The following NEDD4 variants were observed in gnomAD, a reference collection of about 807,000 sequenced individuals.
NEDD4 encodes the protein E3 ubiquitin-protein ligase NEDD4.
NEDD4 carries 99 observed loss-of-function variants against 144.9 expected under a neutral mutation model. That is an observed-to-expected ratio of 0.68 (90% CI 0.58 to 0.81). The LOEUF (loss-of-function observed/expected upper bound fraction) is 0.81, where lower values mean the gene tolerates loss of function less well. Ranked by LOEUF, NEDD4 falls within the 30% of genes least tolerant of loss-of-function variation. The probability of loss-of-function intolerance (pLI) is 0.00; values close to 1 mark genes in which losing one functional copy is unlikely to be tolerated. For synonymous variants in NEDD4, 318 were observed against 350.6 expected (o/e 0.91, Z 1.04); for missense variants, 985 against 1,065.9 (o/e 0.92, Z 1.06).
chr15:55,933,877 G>T (rs1222595648), intron 4 of NEDD4, among the ~76,000 whole-genome samples: 1 of 152,184 alleles, frequency 6.6e-6, no homozygotes, highest in African/African-American at 2.4e-5. Context: ...GTCTTGGCTG[G>T]AGGCAGTGGT....
chr15:55,918,826 T>C (rs988731196), intron 5 of NEDD4, among the ~76,000 whole-genome samples: 1 of 152,162 alleles, frequency 6.6e-6, no homozygotes, highest in Non-Finnish European at 1.5e-5. Context: ...GTCAATATTC[T>C]CTTAACATCT....
chr15:55,842,174 AGAG>A lies in NEDD4; in HGVS notation c.1609-14_1609-12del, dbSNP rs753280416. On this transcript the variant is annotated splice_polypyrimidine_tract_variant and intron_variant, in intron 18 of 28. Transcript: ENST00000435532. Reference sequence around the variant, plus strand: ...GTTTGGAATGTCATTCTGAAAATCCAGAGGAGAGACGTACTGTTTAAATCAGTT... The same window carrying A: ...GTTTGGAATGTCATTCTGAAAATCCAGAGAGACGTACTGTTTAAATCAGTT... 1 of 1,608,788 alleles carries A rather than the reference AGAG, an allele frequency of 6.2e-7. No homozygotes were observed. Among genetic ancestry groups the A allele is most frequent in the Non-Finnish European group, 8.5e-7 (1 of 1,175,190 alleles).
chr15:55,842,820 C>G (rs1595736137), intron 18 of NEDD4, among the ~76,000 whole-genome samples: 1 of 152,242 alleles, frequency 6.6e-6, no homozygotes, highest in East Asian at 1.9e-4. Context: ...TCTGTTCAGG[C>G]TTTTCCCTAC....
intron 12 of NEDD4, among the ~76,000 whole-genome samples, chr15:55,855,000 C>A (rs1293261074): frequency 6.6e-6 from 1 of 152,120 alleles, no homozygotes; most frequent in Non-Finnish European, 1.5e-5. Context: ...CTTGAGCGGG[C>A]TCTGATCTAA....
At chr15:55,925,022 T>C (rs1343903816) in intron 4 of NEDD4, among the ~76,000 whole-genome samples, 1 of 152,230 alleles carries the variant, frequency 6.6e-6, no homozygotes, top group African/African-American at 2.4e-5. Context: ...GAGCCAAGAC[T>C]GTGCCATTGC....
At chr15:55,839,973 CAAAAAAA>C (rs1157411288) in intron 21 of NEDD4, among the ~76,000 whole-genome samples, 59 of 12,056 alleles carry the variant, frequency 4.9e-3, no homozygotes, top group Admixed American at 1.0e-2. Context: ...CACTCTGTCT[CAAAAAAA>C]AAAAAAAAAA....
intron 5 of NEDD4, among the ~76,000 whole-genome samples, chr15:55,896,504 T>C (rs1190793389): frequency 1.3e-5 from 2 of 152,122 alleles, no homozygotes; most frequent in Non-Finnish European, 2.9e-5. Context: ...TTAATAAAAA[T>C]TTACCTGATG....
intron 1 of NEDD4, among the ~76,000 whole-genome samples, chr15:55,990,579 G>A (rs2037974145): frequency 6.6e-6 from 1 of 152,180 alleles, no homozygotes; most frequent in Non-Finnish European, 1.5e-5. Context: ...AGCAGAAAAA[G>A]CCAAAGAAAC....
At chr15:55,837,005 G>A (rs11853453) in intron 24 of NEDD4, among the ~76,000 whole-genome samples, 31,845 of 152,032 alleles carry the variant, frequency 0.21, 3,542 homozygotes, top group Non-Finnish European at 0.25. Flanking sequence ...AGAAATGAGT[G>A]CTCTGACAAT....
chr15:55,961,249 T>C (rs1264396162), intron 2 of NEDD4, among the ~76,000 whole-genome samples: 1 of 151,560 alleles, frequency 6.6e-6, no homozygotes, highest in African/African-American at 2.4e-5. Flanking sequence ...ATTCCTAGAG[T>C]CTCATCAGGG....
Position 55,993,413 on chromosome 15 carries a change from G to C in NEDD4, c.45+98C>G. The C allele has an allele frequency of 4.8e-6, 7 of 1,451,750 alleles. No homozygotes were observed. The South Asian group carries it at 8.4e-5, about 17-fold the overall frequency. The allele number at this position is 1,451,750 out of a possible 1,614,324, so 89.9% of individuals were successfully genotyped here. A position where few individuals can be genotyped will look rare whatever the true frequency, so the allele number is the denominator to read the frequency against. The stretch of plus-strand genomic sequence containing the variant: ...CGCGCCGAGGGAGGAGGGGCTGACA[G>C]CAGAGCCTCCGGTCGTGGCCGCCGC... On this transcript the variant is annotated intron_variant, in intron 1 of 28. Transcript: ENST00000435532.
chr15:55,880,602 C>A (rs180902294), intron 5 of NEDD4, among the ~76,000 whole-genome samples: 3 of 152,066 alleles, frequency 2.0e-5, no homozygotes, highest in Admixed American at 1.3e-4. Flanking sequence ...GGAGGATATA[C>A]TTCACCAAAA....
intron 5 of NEDD4, among the ~76,000 whole-genome samples, chr15:55,876,780 C>G (rs1566927111): frequency 2.0e-5 from 3 of 152,096 alleles, no homozygotes; most frequent in Non-Finnish European, 4.4e-5. Flanking sequence ...AATGCAAAAT[C>G]TAACCATATG....
chr15:55,899,380 A>G (rs2035839529), intron 5 of NEDD4, among the ~76,000 whole-genome samples: 1 of 152,230 alleles, frequency 6.6e-6, no homozygotes, highest in Admixed American at 6.5e-5. Context: ...ATGTAAGTTT[A>G]GCTGATCTAT....
At chr15:55,925,781 G>A (rs1046592009) in intron 4 of NEDD4, among the ~76,000 whole-genome samples, 19 of 151,990 alleles carry the variant, frequency 1.3e-4, no homozygotes, top group African/African-American at 4.3e-4. Context: ...CTACAGCCAC[G>A]TTCCCAGGCT....
intron 2 of NEDD4, chr15:55,952,527 T>G (rs2037260531): frequency 1.3e-5 from 2 of 152,096 alleles, no homozygotes; most frequent in African/African-American, 4.8e-5. Context: ...CGAAGTACCC[T>G]CCAAACTAAT....
intron 1 of NEDD4, among the ~76,000 whole-genome samples, chr15:55,990,151 G>A (rs2037965705): frequency 6.6e-6 from 1 of 151,774 alleles, no homozygotes; most frequent in Non-Finnish European, 1.5e-5. Flanking sequence ...ACATTACGGT[G>A]AGCTGTATAA....
At chr15:55,886,531 C>T (rs1400008687) in intron 5 of NEDD4, among the ~76,000 whole-genome samples, 1 of 152,110 alleles carries the variant, frequency 6.6e-6, no homozygotes, top group Non-Finnish European at 1.5e-5. Context: ...CTTTGGGAGG[C>T]CGAGGTGGGT....
chr15:55,993,423 C>CGGAG (rs1345617422), intron 1 of NEDD4, 88 bp downstream of exon 1: 13 of 1,500,368 alleles, frequency 8.7e-6, no homozygotes, highest in Non-Finnish European at 1.2e-5. Context: ...GCAGAGCCTC[C>CGGAG]GGTCGTGGCC....
Sources: gnomAD v4.1 joint callset for allele counts (sites outside exome capture counted in the v4.1 genomes callset) on GRCh38, gnomAD v4.1.1 for gene constraint, MANE v1.5 for transcripts, NCBI Gene and HGNC (gene_info 2026-07-23, HGNC 2026-07-21) for gene names.